The following ADD3 variants were observed in gnomAD, a reference collection of about 807,000 sequenced individuals.
ADD3 encodes the protein gamma-adducin.
In ADD3, 25 loss-of-function variants were observed where a neutral mutation model predicts 80.2. The ratio of observed to expected loss-of-function variants is 0.31; its 90% CI spans 0.23 to 0.44. The LOEUF (loss-of-function observed/expected upper bound fraction) is 0.44. Ranked by LOEUF, ADD3 falls within the 20% of genes least tolerant of loss-of-function variation. The pLI, the probability that ADD3 is intolerant of heterozygous loss-of-function variation, is 1.00. For synonymous variants in ADD3, 284 were observed against 289.6 expected (o/e 0.98, Z 0.20); for missense variants, 829 against 847.5 (o/e 0.98, Z 0.27).
At chr10:110,025,378 G>T (rs1854166747) in intron 1 of ADD3, among the ~76,000 whole-genome samples, 1 of 152,034 alleles carries the variant, frequency 6.6e-6, no homozygotes, top group African/African-American at 2.4e-5. Context: ...TTGTGGGAGA[G>T]ATGGGAATCT....
At chr10:110,110,124 A>C (rs563205056) in intron 2 of ADD3, among the ~76,000 whole-genome samples, 6 of 152,328 alleles carry the variant, frequency 3.9e-5, no homozygotes, top group South Asian at 2.1e-4. Context: ...TTAGGATTCA[A>C]ATGTCACAAT....
At chr10:110,079,910 C>G (rs1845874554) in intron 1 of ADD3, among the ~76,000 whole-genome samples, 1 of 152,092 alleles carries the variant, frequency 6.6e-6, no homozygotes, top group Admixed American at 6.6e-5. Flanking sequence ...TCAGTTATTC[C>G]TCCTTTGATG....
chr10:110,123,838 A>G, intron 9 of ADD3, 179 bp from the exon 10 acceptor site: 1 of 618,164 alleles, frequency 1.6e-6, no homozygotes, highest in South Asian at 2.1e-5. Context: ...AGGTCTTGAA[A>G]TTTGCATAAT....
intron 2 of ADD3, among the ~76,000 whole-genome samples, chr10:110,101,198 T>C (rs1210908906): frequency 6.6e-6 from 1 of 152,164 alleles, no homozygotes; most frequent in African/African-American, 2.4e-5. Context: ...CATGCACGTA[T>C]TTTCTTCTTC....
At position 110,124,252 on chromosome 10, in the gene ADD3, C is replaced by T; in HGVS notation, c.1379C>T (p.Thr460Ile). 6.2e-7 allele frequency: 1 copy of T among 1,614,052 alleles called. No individual in the cohort carries two copies. Among genetic ancestry groups the T allele is most frequent in the Non-Finnish European group, 8.5e-7 (1 of 1,179,912 alleles). Residue 460 changes from threonine to isoleucine, a missense_variant, in exon 10 of 15, where the codon ACC becomes ATC. Coordinates refer to ENST00000356080, the MANE Select transcript of ADD3 (RefSeq NM_016824.5). The part of the protein sequence containing the change: ...NVPEESRNGE[T>I]SPRTKITWMK... ...CCTGAGGAGTCTCGGAACGGAGAAA[C>T]CAGTCCCCGAACCAAAATCACGGTA...
intron 1 of ADD3, among the ~76,000 whole-genome samples, chr10:110,017,800 A>G (rs1454012338): frequency 1.3e-5 from 2 of 152,314 alleles, no homozygotes; most frequent in Middle Eastern, 3.4e-3. Context: ...CATTGAATCC[A>G]TGTATTTTTT....
intron 2 of ADD3, 143 bp downstream of exon 2, chr10:110,100,991 G>A (rs1848750786): frequency 1.6e-6 from 1 of 643,834 alleles, no homozygotes; most frequent in Non-Finnish European, 2.5e-6. Context: ...TTTCAAAGGA[G>A]AAATGGACAT....
rs1851856779 is a variant in ADD3, at chr10:110,008,224, ATCCGGCGGCTGCTGCAGCCCGGGCGGC to A, written c.-103_-77del. 1 of 152,232 alleles carries A rather than the reference ATCCGGCGGCTGCTGCAGCCCGGGCGGC, an allele frequency of 6.6e-6. No homozygotes were observed. Among genetic ancestry groups the A allele is most frequent in the Non-Finnish European group, 1.5e-5 (1 of 68,132 alleles). The allele number at this position is 152,232 out of a possible 1,614,324, so 9.4% of individuals were successfully genotyped here. A position where few individuals can be genotyped will look rare whatever the true frequency, so the allele number is the denominator to read the frequency against. ...GCTTAAGAGGCGGCCGCAGCGGCGGATCCGGCGGCTGCTGCAGCCCGGGCGGCTGCCGAGAAGGAGGGAGGGGAAACA... is the reference window on the plus strand; with the variant it reads ...GCTTAAGAGGCGGCCGCAGCGGCGGATGCCGAGAAGGAGGGAGGGGAAACA... On this transcript the variant is annotated 5_prime_UTR_variant, in exon 1 of 15. It adds an upstream start codon to the 5' untranslated region. Coordinates refer to ENST00000356080, the MANE Select transcript of ADD3 (RefSeq NM_016824.5).
At chr10:110,088,530 T>A (rs1010319611) in intron 1 of ADD3, among the ~76,000 whole-genome samples, 2 of 152,234 alleles carry the variant, frequency 1.3e-5, no homozygotes, top group African/African-American at 4.8e-5. Flanking sequence ...CAAGTTGTGA[T>A]GATCTTGAAA....
At chr10:110,077,815 A>G (rs1415547019) in intron 1 of ADD3, among the ~76,000 whole-genome samples, 3 of 151,838 alleles carry the variant, frequency 2.0e-5, no homozygotes, top group Non-Finnish European at 4.4e-5. Context: ...TCCCCCTCAC[A>G]CACTGAGTTT....
chr10:110,132,380 A>C lies in ADD3; in HGVS notation c.1808A>C (p.Asn603Thr). 6.2e-7 allele frequency: 1 copy of C among 1,612,864 alleles called. No individual in the cohort carries two copies. The highest frequency in any genetic ancestry group is 1.3e-5 in the African/African-American group (1 of 74,986). ...CAGTCTCAAACTCAGTCACCGCAAA[A>C]TGTCCCTGAAAAATTAGAAGGTACT... ...QIQSQTQSPQ[N>T]VPEKLEENHE... Residue 603 changes from asparagine to threonine, a missense_variant, in exon 14 of 15, where the codon AAT becomes ACT. Physicochemically the swap from Asn to Thr is moderately conservative, Grantham distance 65 (BLOSUM62 0). Coordinates refer to ENST00000356080, the MANE Select transcript of ADD3 (RefSeq NM_016824.5).
chr10:110,079,451 AGAGAGAGAGAGT>A (rs1283218766), intron 1 of ADD3, among the ~76,000 whole-genome samples: 69 of 132,858 alleles, frequency 5.2e-4, no homozygotes, highest in African/African-American at 8.1e-4. Context: ...AGAGAGAGAG[AGAGAGAGAGAGT>A]GTGTGTGTGT....
chr10:110,085,296 C>A (rs1846587370), intron 1 of ADD3, among the ~76,000 whole-genome samples: 1 of 152,092 alleles, frequency 6.6e-6, no homozygotes, highest in Non-Finnish European at 1.5e-5. Flanking sequence ...ATCTGGAGAC[C>A]AGGATCTAGA....
At chr10:110,057,653 A>G (rs760305310) in intron 1 of ADD3, among the ~76,000 whole-genome samples, 2 of 152,298 alleles carry the variant, frequency 1.3e-5, no homozygotes, top group African/African-American at 4.8e-5. Flanking sequence ...TTTGAAAACC[A>G]CTGCTCTAGT....
chr10:110,120,072 T>C (rs576486344), intron 8 of ADD3, among the ~76,000 whole-genome samples: 1 of 143,008 alleles, frequency 7.0e-6, no homozygotes, highest in African/African-American at 3.1e-5. Context: ...TCTTTTTCTT[T>C]TTCTTTTTTT....
chr10:110,112,982 T>C (rs1850242363), intron 3 of ADD3, 67 bp downstream of exon 3: 1 of 1,516,944 alleles, frequency 6.6e-7, no homozygotes, highest in Non-Finnish European at 9.0e-7. Context: ...TATACATCTC[T>C]AGCAGCATAT....
chr10:110,107,267 T>A (rs1430551420), intron 2 of ADD3, among the ~76,000 whole-genome samples: 1 of 151,902 alleles, frequency 6.6e-6, no homozygotes, highest in East Asian at 1.9e-4. Context: ...AATACAGAGA[T>A]CCCTCCTAAC....
At chr10:110,044,020 A>T (rs1293563768) in intron 1 of ADD3, among the ~76,000 whole-genome samples, 4 of 152,230 alleles carry the variant, frequency 2.6e-5, no homozygotes, top group Admixed American at 2.6e-4. Context: ...CAGTCTGACC[A>T]ATATGGTGAA....
chr10:110,093,196 G>A (rs1847767038), intron 1 of ADD3, among the ~76,000 whole-genome samples: 1 of 152,146 alleles, frequency 6.6e-6, no homozygotes, highest in South Asian at 2.1e-4. Flanking sequence ...AATCTGTATA[G>A]AGCATAGTAC....
Sources: gnomAD v4.1 joint callset for allele counts (sites outside exome capture counted in the v4.1 genomes callset) on GRCh38, gnomAD v4.1.1 for gene constraint, MANE v1.5 for transcripts, NCBI Gene and HGNC (gene_info 2026-07-23, HGNC 2026-07-21) for gene names.